Variants in ADCY1 observed in about 807,000 individuals in gnomAD.
The protein encoded by ADCY1 is adenylate cyclase 1.
ADCY1 carries 28 observed loss-of-function variants against 105.4 expected under a neutral mutation model. That is an observed-to-expected ratio of 0.27 (90% confidence interval 0.20 to 0.36). The LOEUF (loss-of-function observed/expected upper bound fraction) is 0.36, where lower values mean the gene tolerates loss of function less well. Among genes scored for constraint, ADCY1 ranks in the 10% least tolerant of loss-of-function variants. The probability of loss-of-function intolerance (pLI) is 1.00; values close to 1 mark genes in which losing one functional copy is unlikely to be tolerated. For synonymous variants in ADCY1, 655 were observed against 623.8 expected (o/e 1.05, Z -0.75); for missense variants, 977 against 1,434.2 (o/e 0.68, Z 5.15).
intron 1 of ADCY1, among the ~76,000 whole-genome samples, chr7:45,578,957 A>G (rs1483856708): frequency 6.6e-6 from 1 of 152,214 alleles, no homozygotes; most frequent in East Asian, 1.9e-4. Context: ...ATCAATGTAA[A>G]TGAAATACAT....
In ADCY1 at chr7:45,657,772, T is replaced by G. The variant is rs534424507; in HGVS notation, c.1194T>G (p.Gly398=). 10 of 1,613,936 alleles carry G rather than the reference T, an allele frequency of 6.2e-6. No homozygotes were observed. The Admixed American group carries it at 1.7e-4, about 27-fold the overall frequency. ...ATEVDLNMRV[G]LHTGRVLCGV... The stretch of plus-strand genomic sequence containing the variant: ...AGGTGGATCTGAACATGCGTGTGGG[T>G]CTGCACACGGGCAGGGTCCTCTGTG... The change falls in exon 6 of 20, where the codon GGT becomes GGG. Residue 398 remains glycine (G), a synonymous_variant. Transcript: ENST00000297323.
chr7:45,598,591 A>G (rs999479237), intron 2 of ADCY1, among the ~76,000 whole-genome samples: 4 of 152,232 alleles, frequency 2.6e-5, no homozygotes, highest in Non-Finnish European at 4.4e-5. Flanking sequence ...ATTTGAAGAG[A>G]GACAAAATGG....
At chr7:45,652,166 T>G (rs1794827837) in intron 5 of ADCY1, among the ~76,000 whole-genome samples, 1 of 152,118 alleles carries the variant, frequency 6.6e-6, no homozygotes, top group Admixed American at 6.5e-5. Context: ...GAGAATTCAC[T>G]CACTATCATG....
intron 3 of ADCY1, among the ~76,000 whole-genome samples, chr7:45,619,033 T>A (rs1381585654): frequency 6.6e-6 from 1 of 152,154 alleles, no homozygotes; most frequent in East Asian, 1.9e-4. Flanking sequence ...ATTCAGGCAT[T>A]AAAAAATGAA....
intron 17 of ADCY1, among the ~76,000 whole-genome samples, chr7:45,706,397 T>G (rs1167490836): frequency 6.9e-6 from 1 of 144,170 alleles, no homozygotes; most frequent in African/African-American, 2.6e-5. Context: ...CATAGACATA[T>G]AGTCAACTGG....
chr7:45,664,292 C>T (rs1343642937), intron 8 of ADCY1: 1 of 1,536,012 alleles, frequency 6.5e-7, no homozygotes, highest in Non-Finnish European at 8.7e-7. Flanking sequence ...CCTGTAGGTT[C>T]AGATCCATCC....
chr7:45,687,671 T>C (rs1784711460), intron 14 of ADCY1, among the ~76,000 whole-genome samples: 1 of 152,252 alleles, frequency 6.6e-6, no homozygotes, highest in Admixed American at 6.5e-5. Context: ...GTTGGAGCTA[T>C]TTGATCTCAT....
chr7:45,701,373 T>C (rs1784991489), intron 14 of ADCY1, among the ~76,000 whole-genome samples: 2 of 152,208 alleles, frequency 1.3e-5, no homozygotes, highest in South Asian at 4.1e-4. Flanking sequence ...GATAGCCCAT[T>C]AATCCAAATG....
At position 45,706,512 on chromosome 7, in the gene ADCY1, A is replaced by AAAAAAAAAAAAAAAG. The variant is rs1554332713; in HGVS notation, c.2818-1837_2818-1836insAAAAAAAAAAAAAGA. Among the ~76,000 whole-genome samples the AAAAAAAAAAAAAAAG allele has an allele frequency of 1.5e-5, 2 of 135,446 alleles. 1 individual carries two copies. The allele number at this position is 135,446 out of a possible 152,430, so 88.9% of individuals were successfully genotyped here. A position where few individuals can be genotyped will look rare whatever the true frequency, so the allele number is the denominator to read the frequency against. On this transcript the variant is annotated intron_variant, in intron 17 of 19. Coordinates refer to ENST00000297323, the MANE Select transcript of ADCY1 (RefSeq NM_021116.4). The stretch of plus-strand genomic sequence containing the variant: ...ACATGCAAAAAAAAAAAAAAAAAAA[A>AAAAAAAAAAAAAAAG]AGAATATAGATGCAGACTTTACACC...
intron 1 of ADCY1, among the ~76,000 whole-genome samples, chr7:45,583,034 G>C (rs1452914388): frequency 1.3e-5 from 2 of 152,240 alleles, no homozygotes; most frequent in Non-Finnish European, 1.5e-5. Flanking sequence ...CTGGAGCTGA[G>C]AAGAGCTGTC....
At chr7:45,696,161 G>A (rs374518829) in intron 14 of ADCY1, among the ~76,000 whole-genome samples, 14 of 152,062 alleles carry the variant, frequency 9.2e-5, no homozygotes, top group African/African-American at 2.2e-4. Context: ...ATTTTCGGCC[G>A]GGCGCCGTGG....
At chr7:45,576,026 C>T (rs1340684767) in intron 1 of ADCY1, among the ~76,000 whole-genome samples, 2 of 146,158 alleles carry the variant, frequency 1.4e-5, no homozygotes, top group African/African-American at 5.1e-5. Context: ...CTCCAACGGG[C>T]CGCAGGGATG....
chr7:45,704,078 C>T lies in ADCY1; in HGVS notation c.2718+332C>T, dbSNP rs191755002. On this transcript the variant is annotated intron_variant, in intron 16 of 19. Transcript: ENST00000297323. ...GGCAGGCAGGTGGGTGCCTCCAGGC[C>T]CTTGTCTACAGATGGACAGGCAGGC... Among the ~76,000 whole-genome samples the T allele has an allele frequency of 5.9e-5, 9 of 152,204 alleles. No homozygotes were observed. In the East Asian group the frequency reaches 1.5e-3, roughly 26 times the overall value.
chr7:45,701,297 A>C (rs1023693031), intron 14 of ADCY1, among the ~76,000 whole-genome samples: 2 of 152,162 alleles, frequency 1.3e-5, no homozygotes, highest in Non-Finnish European at 2.9e-5. Context: ...TCAAATCTCA[A>C]CAAAGACCTT....
chr7:45,712,791 C>T (rs2461129), intron 19 of ADCY1, among the ~76,000 whole-genome samples: 54,568 of 152,070 alleles, frequency 0.36, 11,047 homozygotes, highest in South Asian at 0.63. Context: ...CAGTCATGTC[C>T]TCTGTTCACA....
At position 45,684,962 on chromosome 7, in the gene ADCY1, T is replaced by C; in HGVS notation, c.1984-17T>C. The C allele has an allele frequency of 6.2e-7, 1 of 1,608,026 alleles. No homozygotes were observed. On this transcript the variant is annotated splice_polypyrimidine_tract_variant and intron_variant, in intron 11 of 19. Coordinates refer to ENST00000297323, the MANE Select transcript of ADCY1 (RefSeq NM_021116.4). The stretch of plus-strand genomic sequence containing the variant: ...GGTAATCAGAGGGTATTTTCTAAAT[T>C]AACATTTCTTATTCAGTGTTTTCCA...
Position 45,677,996 on chromosome 7 carries a change from C to T in ADCY1, c.1733C>T (p.Thr578Ile). 1 of 1,614,212 alleles carries T rather than the reference C, an allele frequency of 6.2e-7. No individual in the cohort carries two copies. The highest frequency in any genetic ancestry group is 1.3e-5 in the African/African-American group (1 of 75,048). ...YISRLLEARQ[T>I]ELEMADLNFF... ...AGCCGCCTCTTAGAAGCCCGCCAGACAGAGCTGGAGATGGCAGACCTGAAC... is the reference window on the plus strand; with the variant it reads ...AGCCGCCTCTTAGAAGCCCGCCAGATAGAGCTGGAGATGGCAGACCTGAAC... Residue 578 changes from threonine to isoleucine, a missense_variant, in exon 9 of 20, where the codon ACA becomes ATA. Around this residue, in one of 7 missense-constraint regions of ADCY1, gnomAD observed 275 missense variants for 362.1 expected, o/e 0.76. Transcript: ENST00000297323.
rs182687483 is a variant in ADCY1, at chr7:45,621,740, C to T, written c.909-892C>T. Among the ~76,000 whole-genome samples the T allele has an allele frequency of 2.2e-4, 33 of 152,194 alleles. 1 individual carries two copies. The highest frequency in any genetic ancestry group is 1.9e-3 in the Admixed American group (29 of 15,292). ...TTTTCCTTTACTTTGCGTTTATTTCCTATAGTGGTGCTGGGGGCGTTCTGG... is the reference window on the plus strand; with the variant it reads ...TTTTCCTTTACTTTGCGTTTATTTCTTATAGTGGTGCTGGGGGCGTTCTGG... On this transcript the variant is annotated intron_variant, in intron 3 of 19. Coordinates refer to ENST00000297323, the MANE Select transcript of ADCY1 (RefSeq NM_021116.4).
intron 11 of ADCY1, among the ~76,000 whole-genome samples, chr7:45,680,165 G>A (rs943863047): frequency 2.6e-5 from 4 of 152,210 alleles, no homozygotes; most frequent in Non-Finnish European, 5.9e-5. Context: ...ATAGACTGGC[G>A]ATTGATATTG....
Sources: gnomAD v4.1 joint callset for allele counts (sites outside exome capture counted in the v4.1 genomes callset) on GRCh38, gnomAD v4.1.1 for gene constraint, gnomAD v4.1.1 regional missense constraint, MANE v1.5 for transcripts, NCBI Gene and HGNC (gene_info 2026-07-23, HGNC 2026-07-21) for gene names.